RELN: variants seen among roughly 807,000 people sequenced by gnomAD.
The protein encoded by RELN is reelin.
RELN carries 108 observed loss-of-function variants against 427.6 expected under a neutral mutation model. That is an observed-to-expected ratio of 0.25 (90% CI 0.22 to 0.30). The LOEUF (loss-of-function observed/expected upper bound fraction) is 0.30, where lower values mean the gene tolerates loss of function less well. Ranked by LOEUF, RELN falls within the 10% of genes least tolerant of loss-of-function variation. The probability of loss-of-function intolerance (pLI) is 1.00; values close to 1 mark genes in which losing one functional copy is unlikely to be tolerated. For missense variants in RELN, 3,715 were observed against 4,302.8 expected, an observed-to-expected ratio of 0.86 and a Z score of 3.82; for synonymous variants, 1,524 against 1,513.4, an observed-to-expected ratio of 1.01 and a Z score of -0.16.
intron 25 of RELN, among the ~76,000 whole-genome samples, chr7:103,594,746 T>A (rs1475007838): frequency 6.6e-6 from 1 of 152,196 alleles, no homozygotes; most frequent in African/African-American, 2.4e-5. Flanking sequence ...CTGAGTTTGA[T>A]TCATTGAACT....
chr7:103,957,888 A>G (rs1398047962), intron 1 of RELN, among the ~76,000 whole-genome samples: 1 of 152,206 alleles, frequency 6.6e-6, no homozygotes, highest in Non-Finnish European at 1.5e-5. Context: ...AGCATTAGTA[A>G]TAGTCTGAAG....
Position 103,531,275 on chromosome 7 carries a change from A to C in RELN, c.7349+4041T>G, listed in dbSNP as rs577816761. Among the ~76,000 whole-genome samples, 439 of 152,340 alleles carry C rather than the reference A, an allele frequency of 2.9e-3. 4 individuals carry two copies. Among genetic ancestry groups the C allele is most frequent in the African/African-American group, 0.01 (427 of 41,574 alleles). ...TAAAAGCTCATAGGGGTGAAAAGGC[A>C]GAGCCCTCCACTCTACTACAATGCT... On this transcript the variant is annotated intron_variant, in intron 46 of 64. Transcript: ENST00000428762.
chr7:103,893,372 T>C (rs1395857356), intron 2 of RELN, among the ~76,000 whole-genome samples: 1 of 152,190 alleles, frequency 6.6e-6, no homozygotes, highest in African/African-American at 2.4e-5. Flanking sequence ...AAAGTTCTTG[T>C]CACTTCCTTA....
rs1157188024 is a variant in RELN at position 103,968,318 on chromosome 7, G to A, written c.226+20813C>T. 1.3e-5 allele frequency among the ~76,000 whole-genome samples: 2 copies of A among 152,132 alleles called. No individual in the cohort carries two copies. Among genetic ancestry groups the A allele is most frequent in the African/African-American group, 4.8e-5 (2 of 41,500 alleles). ...GGTAAGAGGAATGTCTTTAAATTCTGCTTAATGTGAACTCAGAAGTAAGAG... is the reference window on the plus strand; with the variant it reads ...GGTAAGAGGAATGTCTTTAAATTCTACTTAATGTGAACTCAGAAGTAAGAG... On this transcript the variant is annotated intron_variant, in intron 1 of 64. Coordinates refer to ENST00000428762, the MANE Select transcript of RELN (RefSeq NM_005045.4). This position sits in a 1 kb window ranked among gnomAD's most constrained non-coding sequence, Gnocchi z 4.3.
chr7:103,495,588 C>T (rs1384215246), intron 57 of RELN, 135 bp downstream of exon 57: 3 of 838,680 alleles, frequency 3.6e-6, no homozygotes, highest in African/African-American at 3.4e-5. Context: ...AAAAGATGAC[C>T]TCTTTTATTC....
chr7:103,895,682 C>T (rs1794944854), intron 2 of RELN, among the ~76,000 whole-genome samples: 1 of 151,922 alleles, frequency 6.6e-6, no homozygotes, highest in Non-Finnish European at 1.5e-5. Context: ...ACTCTAGTAT[C>T]TACTTTGGAA....
At position 103,715,711 on chromosome 7, in the gene RELN, T is replaced by C. The variant is rs193131747; in HGVS notation, c.805+7429A>G. ...ATTTCTTCATTGTCACTGGTACTCC[T>C]ACCATAATGGAGAGAGGGATCCATT... On this transcript the variant is annotated intron_variant, in intron 8 of 64. Transcript: ENST00000428762. 9.2e-5 allele frequency among the ~76,000 whole-genome samples: 14 copies of C among 152,340 alleles called. No individual in the cohort carries two copies. The East Asian group carries it at 2.7e-3, about 29-fold the overall frequency.
At chr7:103,832,631 G>A (rs1793302285) in intron 3 of RELN, among the ~76,000 whole-genome samples, 2 of 152,168 alleles carry the variant, frequency 1.3e-5, no homozygotes, top group African/African-American at 2.4e-5. Context: ...GTAGGGGTTA[G>A]GGGTATAGTC....
intron 2 of RELN, among the ~76,000 whole-genome samples, chr7:103,882,670 C>T (rs1794635359): frequency 6.6e-6 from 1 of 152,112 alleles, no homozygotes; most frequent in African/African-American, 2.4e-5. Flanking sequence ...CACATCTACA[C>T]AAATAAACTA....
At chr7:103,843,051 C>T (rs1347258991) in intron 2 of RELN, among the ~76,000 whole-genome samples, 1 of 152,086 alleles carries the variant, frequency 6.6e-6, no homozygotes, top group East Asian at 1.9e-4. Flanking sequence ...GGGCAGGTTA[C>T]TCTATCATTC....
At chr7:103,917,372 A>G (rs1460081566) in intron 1 of RELN, among the ~76,000 whole-genome samples, 187 bp from the exon 2 acceptor site, 1 of 152,144 alleles carries the variant, frequency 6.6e-6, no homozygotes, top group African/African-American at 2.4e-5. Flanking sequence ...TCCAGTGTCT[A>G]CAATTGCTGG....
At chr7:103,568,590 C>T (rs769878569) in intron 31 of RELN, among the ~76,000 whole-genome samples, 1 of 152,080 alleles carries the variant, frequency 6.6e-6, no homozygotes, top group Non-Finnish European at 1.5e-5. Flanking sequence ...TTATTCTAGT[C>T]AAGTTGAGGA....
intron 2 of RELN, among the ~76,000 whole-genome samples, chr7:103,875,017 T>C (rs1156597089): frequency 1.4e-5 from 2 of 144,950 alleles, no homozygotes; most frequent in African/African-American, 4.9e-5. Flanking sequence ...GAGATACAGA[T>C]CAATGGAACA....
In RELN at chr7:103,496,724, T is replaced by C. The variant is rs780220209; in HGVS notation, c.8995A>G (p.Ile2999Val). The C allele has an allele frequency of 6.8e-6, 11 of 1,614,026 alleles. No individual in the cohort carries two copies. The highest frequency in any genetic ancestry group is 2.2e-5 in the South Asian group (2 of 91,090). ...AGTATGTAGTCGTGTCTAACAGAAA[T>C]GTATTTCTGGTAATCCATCTCATGG... ...LLHEMDYQKY[I>V]SVRHDYILLP... The change falls in exon 56 of 65, where the codon ATT becomes GTT. Residue 2999 changes from isoleucine (I) to valine (V), a missense_variant. Physicochemically the swap from Ile to Val is conservative, Grantham distance 29 (BLOSUM62 3). This residue lies in a region of RELN where 1,310 missense variants were observed against 1,643.0 expected (regional missense o/e 0.80). Transcript: ENST00000428762.
rs1241168772 is a variant in RELN, at chr7:103,872,513, A to G, written c.338-38841T>C. The stretch of plus-strand genomic sequence containing the variant: ...AGTCTTTGCTATTGTGAATAATGCC[A>G]CAATAAACATACGTGTGCATGTGTC... On this transcript the variant is annotated intron_variant, in intron 2 of 64. Coordinates refer to ENST00000428762, the MANE Select transcript of RELN (RefSeq NM_005045.4). Among the ~76,000 whole-genome samples, 155 of 132,744 alleles carry G rather than the reference A, an allele frequency of 1.2e-3. 11 individuals carry two copies. Among genetic ancestry groups the G allele is most frequent in the African/African-American group, 3.9e-3 (149 of 37,824 alleles). The allele number at this position is 132,744 out of a possible 152,430, so 87.1% of individuals were successfully genotyped here. A position where few individuals can be genotyped will look rare whatever the true frequency, so the allele number is the denominator to read the frequency against.
At chr7:103,760,911 G>A (rs568448691) in intron 4 of RELN, among the ~76,000 whole-genome samples, 2 of 151,950 alleles carry the variant, frequency 1.3e-5, no homozygotes, top group East Asian at 3.9e-4. Flanking sequence ...ATTACTTTTT[G>A]TATTTTATTG....
At chr7:103,606,335 C>T (rs1406849659) in intron 22 of RELN, among the ~76,000 whole-genome samples, 1 of 152,138 alleles carries the variant, frequency 6.6e-6, no homozygotes, top group African/African-American at 2.4e-5. Context: ...CAGTAAAGGG[C>T]AGCCTGCTTA....
intron 1 of RELN, among the ~76,000 whole-genome samples, chr7:103,950,839 A>C (rs1421069632): frequency 6.6e-6 from 1 of 152,220 alleles, no homozygotes; most frequent in Admixed American, 6.5e-5. Context: ...CATTACTGAA[A>C]ATAAAATTTG....
Position 103,575,671 on chromosome 7 carries a change from A to AGCT in RELN, c.4177_4179dup (p.Ser1394dup), listed in dbSNP as rs1478314996. On this transcript the variant is annotated inframe_insertion, in exon 29 of 65. Coordinates refer to ENST00000428762, the MANE Select transcript of RELN (RefSeq NM_005045.4). ...CCAAATGGAGGCACGTTTTTCTGTG[A>AGCT]GCTGCTCTCCTGGATCCATCGGAAT... 3 of 1,614,074 alleles carry AGCT rather than the reference A, an allele frequency of 1.9e-6. No individual in the cohort carries two copies. In the Admixed American group the frequency reaches 5.0e-5, roughly 27 times the overall value.
Sources: allele counts gnomAD v4.1 joint callset (sites outside exome capture counted in the v4.1 genomes callset), GRCh38; gene constraint gnomAD v4.1.1; regional missense constraint gnomAD v4.1.1; non-coding constraint Gnocchi (gnomAD v3.1); transcripts MANE v1.5; gene names NCBI Gene and HGNC (gene_info 2026-07-23, HGNC 2026-07-21).